The following ZNF521 variants were observed in gnomAD, a reference collection of about 807,000 sequenced individuals.
The protein encoded by ZNF521 is LYST-interacting protein 3.
A neutral mutation model predicts 105.5 loss-of-function variants in ZNF521; 14 were observed. That is an observed-to-expected ratio of 0.13 (90% CI 0.09 to 0.21). ZNF521 has a LOEUF of 0.21. Ranked by LOEUF, ZNF521 falls within the 10% of genes least tolerant of loss-of-function variation. The probability of loss-of-function intolerance (pLI) is 1.00; values close to 1 mark genes in which losing one functional copy is unlikely to be tolerated. For synonymous variants in ZNF521, 635 were observed against 606.0 expected, an observed-to-expected ratio of 1.05 and a Z score of -0.70; for missense variants, 1,233 against 1,629.7, an observed-to-expected ratio of 0.76 and a Z score of 4.19.
chr18:25,137,124 G>A (rs753252909), intron 5 of ZNF521, among the ~76,000 whole-genome samples: 7 of 152,152 alleles, frequency 4.6e-5, no homozygotes, highest in Non-Finnish European at 7.4e-5. Context: ...GTAATTGAAA[G>A]ACTGCGTCTT....
At chr18:25,241,307 A>T (rs753990400) in intron 3 of ZNF521, among the ~76,000 whole-genome samples, 2 of 152,202 alleles carry the variant, frequency 1.3e-5, no homozygotes, top group Non-Finnish European at 2.9e-5. Flanking sequence ...CCTGCCACTT[A>T]TCAGAATTGT....
At position 25,225,321 on chromosome 18, in the gene ZNF521, T is replaced by C. The variant is rs145082752; in HGVS notation, c.2597A>G (p.Gln866Arg). Residue 866 changes from glutamine to arginine, a missense_variant, in exon 4 of 8, where the codon CAG becomes CGG. By Grantham distance (43) the Gln-to-Arg change is conservative. Coordinates refer to ENST00000361524, the MANE Select transcript of ZNF521 (RefSeq NM_015461.3). The surrounding 1 kb of genome is among the most constrained non-coding windows in gnomAD (Gnocchi z 5.6). ...CCCATCGTGACTGTTGTGGGACTCC[T>C]GGCTGTTGGTCAGCAAAGTCTGCAG... ...VELQTLLTNS[Q>R]ESHNSHDGSE... The C allele has an allele frequency of 5.4e-5, 87 of 1,614,114 alleles. No individual in the cohort carries two copies. The Middle Eastern group carries it at 6.6e-4, about 12-fold the overall frequency.
intron 5 of ZNF521, among the ~76,000 whole-genome samples, chr18:25,104,065 C>T (rs1050300606): frequency 2.0e-5 from 3 of 151,974 alleles, no homozygotes; most frequent in Middle Eastern, 3.4e-3. Flanking sequence ...GCTCTTTCTC[C>T]GATGATAATT....
chr18:25,101,076 G>A (rs2033957213), intron 5 of ZNF521, among the ~76,000 whole-genome samples: 2 of 152,192 alleles, frequency 1.3e-5, no homozygotes, highest in Non-Finnish European at 1.5e-5. Flanking sequence ...ATAGCTGGAT[G>A]TGTGTAAATA....
intron 5 of ZNF521, among the ~76,000 whole-genome samples, chr18:25,097,170 AG>A (rs1392829433): frequency 6.6e-6 from 1 of 152,144 alleles, no homozygotes; most frequent in Non-Finnish European, 1.5e-5. Context: ...CCTAGAAACC[AG>A]GAGTAGAAAA....
At chr18:25,311,935 G>T (rs1912333242) in intron 3 of ZNF521, among the ~76,000 whole-genome samples, 1 of 152,212 alleles carries the variant, frequency 6.6e-6, no homozygotes, top group Admixed American at 6.5e-5. Context: ...TATGAATACA[G>T]TTAAAACTAA....
At chr18:25,192,478 A>G (rs1401844521) in intron 5 of ZNF521, among the ~76,000 whole-genome samples, 1 of 152,180 alleles carries the variant, frequency 6.6e-6, no homozygotes, top group Non-Finnish European at 1.5e-5. Flanking sequence ...ACTTGAGTAA[A>G]GAAGGAATTT....
At chr18:25,139,700 T>C (rs974651237) in intron 5 of ZNF521, among the ~76,000 whole-genome samples, 3 of 152,188 alleles carry the variant, frequency 2.0e-5, no homozygotes, top group Non-Finnish European at 2.9e-5. Flanking sequence ...GGAACCTAGT[T>C]TGATTCCTTC....
intron 3 of ZNF521, among the ~76,000 whole-genome samples, chr18:25,281,861 C>CA (rs1228115021): frequency 6.6e-6 from 1 of 151,640 alleles, no homozygotes; most frequent in Non-Finnish European, 1.5e-5. Flanking sequence ...AGCATGCGGT[C>CA]AAAAATAACG....
At chr18:25,335,491 C>T (rs1913823271) in intron 2 of ZNF521, among the ~76,000 whole-genome samples, 1 of 152,206 alleles carries the variant, frequency 6.6e-6, no homozygotes, top group African/African-American at 2.4e-5. Flanking sequence ...CTAGCACCCG[C>T]ACCCAATACC....
At chr18:25,325,977 G>T (rs898924798) in intron 2 of ZNF521, among the ~76,000 whole-genome samples, 2 of 152,118 alleles carry the variant, frequency 1.3e-5, no homozygotes, top group African/African-American at 4.8e-5. Context: ...CAACTGTGGG[G>T]AAAATGAAAA....
At chr18:25,246,962 C>A (rs575787178) in intron 3 of ZNF521, among the ~76,000 whole-genome samples, 10 of 152,238 alleles carry the variant, frequency 6.6e-5, no homozygotes, top group Admixed American at 2.6e-4. Flanking sequence ...ACCTAATATT[C>A]CATTGGAACA....
chr18:25,120,290 T>C (rs577310931), intron 5 of ZNF521, among the ~76,000 whole-genome samples: 1 of 152,258 alleles, frequency 6.6e-6, no homozygotes, highest in South Asian at 2.1e-4. Flanking sequence ...TTTATAAAAC[T>C]TGTAGGATCA....
chr18:25,340,368 TAATA>T (rs1310086334), intron 2 of ZNF521, among the ~76,000 whole-genome samples: 1 of 151,654 alleles, frequency 6.6e-6, no homozygotes, highest in African/African-American at 2.4e-5. Flanking sequence ...AAAATAATAA[TAATA>T]AATAAATAAA....
intron 3 of ZNF521, among the ~76,000 whole-genome samples, chr18:25,268,871 T>G (rs1361466579): frequency 6.6e-6 from 1 of 152,050 alleles, no homozygotes; most frequent in Non-Finnish European, 1.5e-5. Flanking sequence ...ATTGCATCAA[T>G]TAACAGGCAA....
At chr18:25,129,283 TA>T (rs1300553922) in intron 5 of ZNF521, among the ~76,000 whole-genome samples, 18 of 137,008 alleles carry the variant, frequency 1.3e-4, no homozygotes, top group Non-Finnish European at 2.8e-4. Context: ...TTATTATTAT[TA>T]ATTAATCTGT....
At chr18:25,337,407 CAA>C (rs1913952730) in intron 2 of ZNF521, among the ~76,000 whole-genome samples, 1 of 152,018 alleles carries the variant, frequency 6.6e-6, no homozygotes, top group Non-Finnish European at 1.5e-5. Context: ...ATAAGTCAGG[CAA>C]AGAGCTAATT....
chr18:25,084,075 T>G (rs1485967687), intron 7 of ZNF521, among the ~76,000 whole-genome samples: 1 of 151,392 alleles, frequency 6.6e-6, no homozygotes, highest in African/African-American at 2.4e-5. Context: ...TGAGCCACTG[T>G]GCCTGGCCTG....
chr18:25,170,702 G>A (rs1197479770), intron 5 of ZNF521, among the ~76,000 whole-genome samples: 1 of 152,108 alleles, frequency 6.6e-6, no homozygotes, highest in East Asian at 1.9e-4. Context: ...ACATAATTTA[G>A]TGTTGAAAGA....
Sources: allele counts gnomAD v4.1 joint callset (sites outside exome capture counted in the v4.1 genomes callset), GRCh38; gene constraint gnomAD v4.1.1; non-coding constraint Gnocchi (gnomAD v3.1); transcripts MANE v1.5; gene names NCBI Gene and HGNC (gene_info 2026-07-23, HGNC 2026-07-21).